Variants in CSMD1 observed in about 807,000 individuals in gnomAD.
CSMD1 encodes CUB and Sushi multiple domains 1.
CSMD1 carries 213 observed loss-of-function variants against 417.5 expected under a neutral mutation model. That is an observed-to-expected ratio of 0.51 (90% CI 0.46 to 0.57). The LOEUF (loss-of-function observed/expected upper bound fraction) is 0.57, where lower values mean the gene tolerates loss of function less well. CSMD1 is among the 20% of genes least tolerant of loss of function. The pLI is 0.00. For synonymous variants in CSMD1, 2,862 were observed against 1,736.8 expected, an observed-to-expected ratio of 1.65 and a Z score of -16.11; for missense variants, 6,923 against 4,529.7, an observed-to-expected ratio of 1.53 and a Z score of -15.17.
rs114681807 is a variant in CSMD1, at chr8:4,113,956, A to T, written c.416-81857T>A. Among the ~76,000 whole-genome samples, 857 of 152,338 alleles carry T rather than the reference A, an allele frequency of 5.6e-3. 6 individuals are homozygous for T. Among genetic ancestry groups the T allele is most frequent in the African/African-American group, 0.019 (810 of 41,578 alleles). ...AGATTTAAGAAAAGAAGCCATCTCC[A>T]TAATATAAAAGTTCCAGGTGAAGCA... On this transcript the variant is annotated intron_variant, in intron 3 of 69. Coordinates refer to ENST00000635120, the MANE Select transcript of CSMD1 (RefSeq NM_033225.6).
chr8:4,040,432 G>C (rs959713201), intron 3 of CSMD1, among the ~76,000 whole-genome samples: 2 of 152,150 alleles, frequency 1.3e-5, no homozygotes, highest in African/African-American at 2.4e-5. Context: ...TAACTGTTAA[G>C]AACTGGTAGT....
intron 17 of CSMD1, among the ~76,000 whole-genome samples, 194 bp downstream of exon 17, chr8:3,396,000 T>G (rs933620739): frequency 6.6e-6 from 1 of 152,120 alleles, no homozygotes; most frequent in African/African-American, 2.4e-5. Flanking sequence ...TTTTTGAGAG[T>G]TAAAAGGCAG....
intron 10 of CSMD1, among the ~76,000 whole-genome samples, chr8:3,523,392 G>C (rs535361011): frequency 1.3e-5 from 2 of 152,344 alleles, no homozygotes; most frequent in East Asian, 3.9e-4. Flanking sequence ...GACAAAGAAA[G>C]CTCTCAATGA....
At chr8:4,103,836 T>C (rs1055210071) in intron 3 of CSMD1, among the ~76,000 whole-genome samples, 2 of 152,182 alleles carry the variant, frequency 1.3e-5, no homozygotes, top group African/African-American at 2.4e-5. Context: ...CATAAAATGC[T>C]CTAACTCCCT....
At chr8:4,496,328 G>C (rs1801975573) in intron 2 of CSMD1, among the ~76,000 whole-genome samples, 1 of 152,144 alleles carries the variant, frequency 6.6e-6, no homozygotes, top group South Asian at 2.1e-4. Context: ...GACTCCTTAG[G>C]TTCTGCTCAG....
At chr8:4,910,546 GC>G (rs1805593254) in intron 1 of CSMD1, among the ~76,000 whole-genome samples, 1 of 152,076 alleles carries the variant, frequency 6.6e-6, no homozygotes, top group Non-Finnish European at 1.5e-5. Context: ...AATCTCTGAA[GC>G]TTTTTTATAG....
chr8:3,269,164 A>T (rs151321555), intron 26 of CSMD1, among the ~76,000 whole-genome samples: 4 of 152,230 alleles, frequency 2.6e-5, no homozygotes, highest in African/African-American at 7.2e-5. Flanking sequence ...CATTCTTCGT[A>T]TCTGTGTCAT....
At chr8:3,170,105 C>T (rs970351669) in intron 37 of CSMD1, among the ~76,000 whole-genome samples, 1 of 152,258 alleles carries the variant, frequency 6.6e-6, no homozygotes, top group Non-Finnish European at 1.5e-5. Flanking sequence ...GGCAGCCAGC[C>T]CTGCTAGAAG....
rs149929741 is a variant in CSMD1, at chr8:4,271,566, G to C, written c.415+148387C>G. Among the ~76,000 whole-genome samples the C allele has an allele frequency of 6.7e-5, 10 of 149,596 alleles. No individual in the cohort carries two copies. The East Asian group carries it at 9.9e-4, about 15-fold the overall frequency. ...CCACCATTACAATTACATTTCAAAA[G>C]AGAGAAAAAAAAAAGGCAAAGAAAA... On this transcript the variant is annotated intron_variant, in intron 3 of 69. Coordinates refer to ENST00000635120, the MANE Select transcript of CSMD1 (RefSeq NM_033225.6).
chr8:4,072,106 G>A (rs897939449), intron 3 of CSMD1, among the ~76,000 whole-genome samples: 1 of 152,192 alleles, frequency 6.6e-6, no homozygotes, highest in African/African-American at 2.4e-5. Context: ...AAAAATGGAT[G>A]ATTCGCTATA....
chr8:3,120,181 G>A (rs916224724), intron 41 of CSMD1, among the ~76,000 whole-genome samples: 15 of 152,100 alleles, frequency 9.9e-5, no homozygotes, highest in Non-Finnish European at 1.9e-4. Context: ...CCAGAAAGAA[G>A]ATAGGACAGG....
intron 3 of CSMD1, among the ~76,000 whole-genome samples, chr8:4,186,427 G>C (rs1021338782): frequency 2.0e-5 from 3 of 152,132 alleles, no homozygotes; most frequent in African/African-American, 2.4e-5. Flanking sequence ...CTGAGAGTAA[G>C]TTTACAGAGC....
chr8:3,055,731 T>C (rs1812171222), intron 49 of CSMD1, among the ~76,000 whole-genome samples: 2 of 152,238 alleles, frequency 1.3e-5, no homozygotes, highest in Admixed American at 1.3e-4. Flanking sequence ...TATTATTATA[T>C]GTCCCAGCAG....
intron 2 of CSMD1, among the ~76,000 whole-genome samples, chr8:4,633,079 T>A (rs1459500341): frequency 6.6e-6 from 1 of 152,122 alleles, no homozygotes; most frequent in Admixed American, 6.6e-5. Context: ...CAGCAGCAGA[T>A]GTGTCAGTGT....
intron 2 of CSMD1, among the ~76,000 whole-genome samples, chr8:4,615,269 G>C (rs922728385): frequency 6.6e-6 from 1 of 152,178 alleles, no homozygotes; most frequent in Non-Finnish European, 1.5e-5. Flanking sequence ...GAGAGCTTAA[G>C]GCACTATGAA....
intron 23 of CSMD1, among the ~76,000 whole-genome samples, chr8:3,311,093 CCTAA>C (rs140954311): frequency 2.6e-5 from 4 of 151,674 alleles, no homozygotes; most frequent in African/African-American, 9.7e-5. Flanking sequence ...ATGTAATATA[CCTAA>C]CTAACTTTCC....
At chr8:3,746,265 A>G (rs1056112011) in intron 6 of CSMD1, among the ~76,000 whole-genome samples, 1 of 152,240 alleles carries the variant, frequency 6.6e-6, no homozygotes, top group Non-Finnish European at 1.5e-5. Flanking sequence ...CGGGAAAACA[A>G]TTTACGAAGG....
At chr8:4,122,372 A>T (rs1293358470) in intron 3 of CSMD1, among the ~76,000 whole-genome samples, 2 of 152,218 alleles carry the variant, frequency 1.3e-5, no homozygotes, top group Non-Finnish European at 2.9e-5. Context: ...ACTCAGTGCC[A>T]ACAATTTGCC....
intron 2 of CSMD1, among the ~76,000 whole-genome samples, chr8:4,421,035 G>C (rs921603908): frequency 6.6e-6 from 1 of 152,010 alleles, no homozygotes; most frequent in Non-Finnish European, 1.5e-5. Flanking sequence ...TTTTAATTCA[G>C]TCCCCTTAAA....
Sources: allele counts gnomAD v4.1 joint callset (sites outside exome capture counted in the v4.1 genomes callset), GRCh38; gene constraint gnomAD v4.1.1; transcripts MANE v1.5; gene names NCBI Gene and HGNC (gene_info 2026-07-23, HGNC 2026-07-21).